Variants in HDAC4 observed in about 807,000 individuals in gnomAD.
HDAC4 encodes histone deacetylase 4.
In HDAC4, 16 loss-of-function variants were observed where a neutral mutation model predicts 135.1. The ratio of observed to expected loss-of-function variants is 0.12; its 90% CI spans 0.08 to 0.18. HDAC4 has a LOEUF of 0.18. HDAC4 is among the 10% of genes least tolerant of loss of function. The probability of loss-of-function intolerance (pLI) is 1.00; values close to 1 mark genes in which losing one functional copy is unlikely to be tolerated. For missense variants in HDAC4, 1,143 were observed against 1,511.8 expected (o/e 0.76, Z 4.05); for synonymous variants, 685 against 653.4 (o/e 1.05, Z -0.74).
intron 7 of HDAC4, among the ~76,000 whole-genome samples, chr2:239,156,103 A>C (rs2042406164): frequency 1.3e-5 from 2 of 152,224 alleles, no homozygotes; most frequent in Admixed American, 6.5e-5. Flanking sequence ...GCTTGTGCCT[A>C]AATGCCCTTC....
intron 3 of HDAC4, among the ~76,000 whole-genome samples, chr2:239,231,581 TACTG>T (rs1347434865): frequency 5.3e-5 from 8 of 152,230 alleles, no homozygotes; most frequent in Admixed American, 2.0e-4. Context: ...TTCCTGTTGC[TACTG>T]ACTTTTTTTG....
chr2:239,132,866 A>G (rs1419990347), intron 11 of HDAC4, among the ~76,000 whole-genome samples: 2 of 152,178 alleles, frequency 1.3e-5, no homozygotes, highest in African/African-American at 4.8e-5. Flanking sequence ...GACAGGCGAG[A>G]AACTCAGGTG....
intron 2 of HDAC4, among the ~76,000 whole-genome samples, chr2:239,343,958 G>A (rs113899809): frequency 6.6e-6 from 1 of 152,202 alleles, no homozygotes; most frequent in Non-Finnish European, 1.5e-5. Context: ...TGGAGTAGCA[G>A]CAAGCAAAAC....
At chr2:239,130,294 G>A (rs551439349) in intron 11 of HDAC4, among the ~76,000 whole-genome samples, 4 of 152,282 alleles carry the variant, frequency 2.6e-5, no homozygotes, top group Admixed American at 6.5e-5. Flanking sequence ...CATGAACCAC[G>A]GCCAGCTGTG....
At position 239,082,200 on chromosome 2, in the gene HDAC4, T is replaced by A; in HGVS notation, c.2554A>T (p.Thr852Ser). 6.2e-7 allele frequency: 1 copy of A among 1,614,182 alleles called. No homozygotes were observed. Among genetic ancestry groups the A allele is most frequent in the South Asian group, 1.1e-5 (1 of 91,082 alleles). Residue 852 changes from threonine (T) to serine (S), a missense_variant, in exon 21 of 27, where the codon ACC becomes TCC. By Grantham distance (58) the Thr-to-Ser change is moderately conservative (BLOSUM62 1). Coordinates refer to ENST00000543185, the MANE Select transcript of HDAC4 (RefSeq NM_001378414.1). ...VDWDVHHGNGTQQAFYSDPSV... is the reference protein window; with the variant it reads ...VDWDVHHGNGSQQAFYSDPSV... ...GGGTCGCTGTAGAAAGCCTGCTGGG[T>A]CCCGTTTCCATGGTGCACGTCCTTA...
At chr2:239,340,775 C>T (rs1692252090) in intron 2 of HDAC4, among the ~76,000 whole-genome samples, 1 of 152,194 alleles carries the variant, frequency 6.6e-6, no homozygotes, top group Non-Finnish European at 1.5e-5. Context: ...CTGCAGTCCT[C>T]GGCCCAAGTC....
intron 2 of HDAC4, among the ~76,000 whole-genome samples, chr2:239,250,366 C>T (rs1286384778): frequency 1.3e-5 from 2 of 152,338 alleles, no homozygotes; most frequent in East Asian, 3.9e-4. Context: ...ATCCCGGGGC[C>T]ACCTGGCCAG....
chr2:239,125,883 C>T (rs1039800834), intron 12 of HDAC4, among the ~76,000 whole-genome samples: 11 of 152,366 alleles, frequency 7.2e-5, no homozygotes, highest in East Asian at 3.9e-4. Flanking sequence ...AGTGTCCCTT[C>T]GACTTCCTGC....
At chr2:239,383,738 G>A (rs557841015) in intron 1 of HDAC4, among the ~76,000 whole-genome samples, 2 of 152,342 alleles carry the variant, frequency 1.3e-5, no homozygotes, top group Non-Finnish European at 2.9e-5. Context: ...GCACTGCCTC[G>A]GGCCAGCTGA....
chr2:239,119,488 A>AGCTCAGGGCTGAGGGCGCGGGGACCG (rs1405879585), intron 12 of HDAC4, among the ~76,000 whole-genome samples: 1 of 151,538 alleles, frequency 6.6e-6, no homozygotes, highest in Non-Finnish European at 1.5e-5. Flanking sequence ...TGCGGGGACC[A>AGCTCAGGGCTGAGGGCGCGGGGACCG]GAGCTCAGGG....
At chr2:239,344,702 C>T (rs62182115) in intron 2 of HDAC4, among the ~76,000 whole-genome samples, 38,578 of 152,212 alleles carry the variant, frequency 0.25, 5,631 homozygotes, top group Non-Finnish European at 0.34. Context: ...CACATTCAGA[C>T]AGGCGGTGCT....
chr2:239,395,150 CT>C (rs1329621225), intron 1 of HDAC4, among the ~76,000 whole-genome samples: 10 of 152,174 alleles, frequency 6.6e-5, no homozygotes, highest in Admixed American at 2.0e-4. Context: ...TTAGAGAGAG[CT>C]AGAAAGTAAA....
At chr2:239,143,274 C>CA (rs1369220709) in intron 8 of HDAC4, among the ~76,000 whole-genome samples, 27 of 151,576 alleles carry the variant, frequency 1.8e-4, no homozygotes, top group Admixed American at 7.9e-4. Flanking sequence ...AAAAAAACAA[C>CA]AAAAAAACGC....
chr2:239,190,177 G>A (rs570604738), intron 3 of HDAC4, 100 bp from the exon 4 acceptor site: 28 of 1,436,434 alleles, frequency 1.9e-5, no homozygotes, highest in Middle Eastern at 2.5e-4. Flanking sequence ...CACGGGGCGG[G>A]GGGGGGGTTG....
rs113433827 is a variant in HDAC4 at position 239,068,744 on chromosome 2, C to T, written c.2751-137G>A. 84 of 774,988 alleles carry T rather than the reference C, an allele frequency of 1.1e-4. No individual in the cohort carries two copies. Among genetic ancestry groups the T allele is most frequent in the African/African-American group, 8.1e-4 (48 of 59,278 alleles). 48.0% of individuals were successfully genotyped at this position (774,988 alleles called of 1,614,324 possible). A position where few individuals can be genotyped will look rare whatever the true frequency, so the allele number is the denominator to read the frequency against. ...CCACTGGCGGGCTGAGGGCTCCACACAGCAGGCTGGAATCTGGCGACCACG... is the reference window on the plus strand; with the variant it reads ...CCACTGGCGGGCTGAGGGCTCCACATAGCAGGCTGGAATCTGGCGACCACG... On this transcript the variant is annotated intron_variant, in intron 22 of 26. Transcript: ENST00000543185. This position sits in a 1 kb window ranked among gnomAD's most constrained non-coding sequence, Gnocchi z 4.4.
intron 24 of HDAC4, among the ~76,000 whole-genome samples, chr2:239,062,797 C>A (rs751058959): frequency 2.6e-5 from 4 of 152,242 alleles, no homozygotes; most frequent in Non-Finnish European, 4.4e-5. Context: ...GGGATGCCAC[C>A]TGGATCTTTG....
At chr2:239,136,350 T>A (rs1003679282) in intron 9 of HDAC4, among the ~76,000 whole-genome samples, 1 of 152,222 alleles carries the variant, frequency 6.6e-6, no homozygotes, top group Non-Finnish European at 1.5e-5. Flanking sequence ...GTTCCATCTA[T>A]GTTGCTGCAA....
intron 6 of HDAC4, among the ~76,000 whole-genome samples, chr2:239,157,537 G>A (rs1000346157): frequency 6.6e-6 from 1 of 152,188 alleles, no homozygotes; most frequent in Non-Finnish European, 1.5e-5. Context: ...GGGCCGGGAC[G>A]GGGATGTGGG....
chr2:239,301,563 C>T (rs1444622020), intron 2 of HDAC4, among the ~76,000 whole-genome samples: 1 of 151,872 alleles, frequency 6.6e-6, no homozygotes, highest in East Asian at 1.9e-4. Context: ...CTCACTGCAG[C>T]CTCGACCTCC....
Sources: gnomAD v4.1 joint callset for allele counts (sites outside exome capture counted in the v4.1 genomes callset) on GRCh38, gnomAD v4.1.1 for gene constraint, Gnocchi (gnomAD v3.1) non-coding constraint, MANE v1.5 for transcripts, NCBI Gene and HGNC (gene_info 2026-07-23, HGNC 2026-07-21) for gene names.